Variants in WWC2 observed in about 807,000 individuals in gnomAD.
The protein encoded by WWC2 is WW and C2 domain containing 2.
WWC2 carries 101 observed loss-of-function variants against 138.5 expected under a neutral mutation model. That is an observed-to-expected ratio of 0.73 (90% CI 0.62 to 0.86). The LOEUF (loss-of-function observed/expected upper bound fraction) is 0.86. Ranked by LOEUF, WWC2 falls within the 40% of genes least tolerant of loss-of-function variation. The pLI is 0.00. For synonymous variants in WWC2, 558 were observed against 538.4 expected (o/e 1.04, Z -0.50); for missense variants, 1,420 against 1,419.4 (o/e 1.00, Z -0.01).
chr4:183,187,097 G>A (rs1177626620), intron 1 of WWC2, among the ~76,000 whole-genome samples: 2 of 152,178 alleles, frequency 1.3e-5, no homozygotes, highest in Middle Eastern at 3.4e-3. Context: ...CTGCTTGGCT[G>A]TCCTCACCTT....
intron 8 of WWC2, among the ~76,000 whole-genome samples, chr4:183,252,941 C>T (rs981065269): frequency 1.3e-5 from 2 of 152,180 alleles, no homozygotes; most frequent in South Asian, 4.1e-4. Flanking sequence ...GCAGTTATGG[C>T]TCACTGTGGC....
intron 5 of WWC2, among the ~76,000 whole-genome samples, chr4:183,241,821 C>T (rs1328751065): frequency 6.6e-6 from 1 of 152,142 alleles, no homozygotes; most frequent in Non-Finnish European, 1.5e-5. Context: ...AGTGCCGTAA[C>T]GTGTTTAGCC....
intron 4 of WWC2, among the ~76,000 whole-genome samples, chr4:183,230,648 C>T (rs1385233158): frequency 1.3e-5 from 2 of 151,914 alleles, no homozygotes; most frequent in Non-Finnish European, 2.9e-5. Context: ...TTGCACCCAG[C>T]CTGGGCAACT....
In WWC2 at chr4:183,253,812, G is replaced by A. The variant is rs746910726; in HGVS notation, c.1009G>A (p.Ala337Thr). ...ATTGGACAGTGAGGCCTGGCCTGGG[G>A]CACTGGATATTGAGAAGGAAAAACT... ...SKLDSEAWPG[A>T]LDIEKEKLML... Residue 337 changes from alanine (A) to threonine (T), a missense_variant, in exon 9 of 23, where the codon GCA becomes ACA. Physicochemically the swap from Ala to Thr is moderately conservative, Grantham distance 58. Transcript: ENST00000403733. 138 of 1,613,546 alleles carry A rather than the reference G, an allele frequency of 8.6e-5. No homozygotes were observed. Among genetic ancestry groups the A allele is most frequent in the Non-Finnish European group, 1.2e-4 (136 of 1,179,784 alleles).
intron 1 of WWC2, among the ~76,000 whole-genome samples, chr4:183,185,185 T>TAA (rs1734754193): frequency 1.3e-5 from 2 of 152,318 alleles, no homozygotes; most frequent in South Asian, 4.1e-4. Flanking sequence ...TGTGCTTTCA[T>TAA]AAGCCTTTCA....
Position 183,227,633 on chromosome 4 carries a change from AAATT to A in WWC2, c.523-12546_523-12543del, listed in dbSNP as rs1462370558. ...GAAACAAACTAAGTAGAAGTTCTAC[AAATT>A]AATCACGTAATGAATTAAAAATCAA... On this transcript the variant is annotated intron_variant, in intron 4 of 22. Coordinates refer to ENST00000403733, the MANE Select transcript of WWC2 (RefSeq NM_024949.6). Among the ~76,000 whole-genome samples the A allele has an allele frequency of 2.6e-5, 4 of 152,274 alleles. No homozygotes were observed. In the East Asian group the frequency reaches 7.7e-4, roughly 29 times the overall value.
chr4:183,134,064 C>G (rs1411188623), intron 1 of WWC2, among the ~76,000 whole-genome samples: 1 of 152,008 alleles, frequency 6.6e-6, no homozygotes, highest in Non-Finnish European at 1.5e-5. Context: ...CATTTCATCC[C>G]TATGTCCGAA....
chr4:183,209,142 T>C, intron 4 of WWC2, 117 bp downstream of exon 4: 3 of 664,414 alleles, frequency 4.5e-6, no homozygotes, highest in Non-Finnish European at 7.8e-6. Flanking sequence ...CTCCTCCCCT[T>C]ATCTCTGATG....
At chr4:183,200,768 CA>C (rs763735102) in intron 2 of WWC2, among the ~76,000 whole-genome samples, 3 of 152,106 alleles carry the variant, frequency 2.0e-5, no homozygotes, top group Admixed American at 6.5e-5. Context: ...TTGTTAGAGC[CA>C]AAAAGCCAAG....
intron 21 of WWC2, among the ~76,000 whole-genome samples, chr4:183,296,723 G>T (rs1580161037): frequency 6.6e-6 from 1 of 151,960 alleles, no homozygotes; most frequent in East Asian, 1.9e-4. Flanking sequence ...CACGAGGTCA[G>T]GAGATCGAAA....
chr4:183,201,406 T>C (rs1347199211), intron 2 of WWC2, among the ~76,000 whole-genome samples: 2 of 152,192 alleles, frequency 1.3e-5, no homozygotes, highest in Non-Finnish European at 2.9e-5. Context: ...AGGCAAGAGC[T>C]CTAGGTCTAA....
At chr4:183,125,457 AC>A (rs1732730459) in intron 1 of WWC2, among the ~76,000 whole-genome samples, 2 of 152,192 alleles carry the variant, frequency 1.3e-5, no homozygotes, top group African/African-American at 2.4e-5. Flanking sequence ...CTAGTGAAAA[AC>A]ATGAGGATTC....
At chr4:183,244,156 G>C (rs1291602436) in intron 5 of WWC2, among the ~76,000 whole-genome samples, 1 of 152,068 alleles carries the variant, frequency 6.6e-6, no homozygotes, top group East Asian at 1.9e-4. Flanking sequence ...GTCTAAGAAC[G>C]TGTATAGAGT....
intron 21 of WWC2, among the ~76,000 whole-genome samples, chr4:183,306,279 C>G (rs1739021355): frequency 6.6e-6 from 1 of 152,306 alleles, no homozygotes; most frequent in South Asian, 2.1e-4. Flanking sequence ...ATTATTCCAG[C>G]TGTTTCATTA....
At chr4:183,224,048 C>T (rs1227201120) in intron 4 of WWC2, among the ~76,000 whole-genome samples, 3 of 152,102 alleles carry the variant, frequency 2.0e-5, no homozygotes, top group East Asian at 1.9e-4. Context: ...TAATTTTAAT[C>T]GCCCTCTTTT....
chr4:183,246,488 C>T (rs1428175056), intron 6 of WWC2, among the ~76,000 whole-genome samples: 1 of 152,096 alleles, frequency 6.6e-6, no homozygotes, highest in Non-Finnish European at 1.5e-5. Flanking sequence ...TTTTGCATTA[C>T]TTGCAAGAAG....
chr4:183,314,555 G>C (rs922375361), intron 22 of WWC2, among the ~76,000 whole-genome samples: 2 of 152,198 alleles, frequency 1.3e-5, no homozygotes, highest in South Asian at 2.1e-4. Context: ...GTTCTGCCCG[G>C]CACCACCCCA....
intron 2 of WWC2, among the ~76,000 whole-genome samples, chr4:183,198,815 A>AAAG (rs1735221906): frequency 6.7e-6 from 1 of 149,604 alleles, no homozygotes; most frequent in Non-Finnish European, 1.5e-5. Context: ...AAAAAAAAAA[A>AAAG]GGTTCCTTTT....
At chr4:183,216,867 C>G (rs1374634673) in intron 4 of WWC2, among the ~76,000 whole-genome samples, 1 of 152,150 alleles carries the variant, frequency 6.6e-6, no homozygotes, top group African/African-American at 2.4e-5. Flanking sequence ...TGACTGAATA[C>G]TGATTGAGTA....
Sources: gnomAD v4.1 joint callset for allele counts (sites outside exome capture counted in the v4.1 genomes callset) on GRCh38, gnomAD v4.1.1 for gene constraint, MANE v1.5 for transcripts, NCBI Gene and HGNC (gene_info 2026-07-23, HGNC 2026-07-21) for gene names.